PTPRD: variants seen among roughly 807,000 people sequenced by gnomAD.
The protein encoded by PTPRD is receptor-type tyrosine-protein phosphatase delta.
PTPRD carries 34 observed loss-of-function variants against 214.5 expected under a neutral mutation model. That is an observed-to-expected ratio of 0.16 (90% confidence interval 0.12 to 0.21). PTPRD has a LOEUF of 0.21. Ranked by LOEUF, PTPRD falls within the 10% of genes least tolerant of loss-of-function variation. PTPRD has a pLI of 1.00. For missense variants in PTPRD, 2,545 were observed against 2,398.7 expected (o/e 1.06, Z -1.27); for synonymous variants, 1,128 against 845.7 (o/e 1.33, Z -5.79).
chr9:8,698,249 T>C (rs1321017868), intron 12 of PTPRD, among the ~76,000 whole-genome samples: 1 of 152,234 alleles, frequency 6.6e-6, no homozygotes, highest in Non-Finnish European at 1.5e-5. Context: ...AGATGTTTAT[T>C]CAGTGCTTTA....
At chr9:10,510,397 C>T (rs982520709) in intron 2 of PTPRD, among the ~76,000 whole-genome samples, 2 of 152,094 alleles carry the variant, frequency 1.3e-5, no homozygotes, top group Non-Finnish European at 2.9e-5. Context: ...ACATATAGAA[C>T]AGTTCCCTCT....
Position 8,486,297 on chromosome 9 carries a change from A to C in PTPRD, c.2520T>G (p.Leu840=), listed in dbSNP as rs1410121406. The C allele has an allele frequency of 6.2e-7, 1 of 1,614,176 alleles. No homozygotes were observed. The highest frequency in any genetic ancestry group is 8.5e-7 in the Non-Finnish European group (1 of 1,180,016). The part of the protein sequence containing the change: ...VINHTQMNTA[L]IQWHPPVDTF... ...TGTCCACCGGAGGGTGCCACTGAATAAGAGCAGTATTCATCTGAGTGTGGT... is the reference window on the plus strand; with the variant it reads ...TGTCCACCGGAGGGTGCCACTGAATCAGAGCAGTATTCATCTGAGTGTGGT... The change falls in exon 28 of 46, where the codon CTT becomes CTG. Residue 840 remains leucine, a synonymous_variant. Transcript: ENST00000381196.
intron 2 of PTPRD, among the ~76,000 whole-genome samples, chr9:10,511,975 T>TATATATATATATAC (rs1566641481): frequency 1.6e-5 from 1 of 62,538 alleles, no homozygotes; most frequent in African/African-American, 5.7e-5. Context: ...TACGTGTGTG[T>TATATATATATATAC]GTATATATAT....
chr9:9,586,172 G>C (rs1441141516), intron 7 of PTPRD, among the ~76,000 whole-genome samples: 1 of 151,878 alleles, frequency 6.6e-6, no homozygotes, highest in African/African-American at 2.4e-5. Context: ...TGTATATTCA[G>C]TCTCTCATCT....
At chr9:9,288,884 TTTTG>T (rs1950308465) in intron 9 of PTPRD, among the ~76,000 whole-genome samples, 1 of 151,866 alleles carries the variant, frequency 6.6e-6, no homozygotes, top group Non-Finnish European at 1.5e-5. Flanking sequence ...CTTTTCCTCC[TTTTG>T]TTTGACACTT....
chr9:10,460,477 T>G (rs555230398), intron 2 of PTPRD, among the ~76,000 whole-genome samples: 1 of 149,772 alleles, frequency 6.7e-6, no homozygotes, highest in African/African-American at 2.4e-5. Context: ...TTCAAAAGTA[T>G]ATTACAAAGC....
At chr9:9,957,301 G>T (rs7860466) in intron 4 of PTPRD, among the ~76,000 whole-genome samples, 23,808 of 151,920 alleles carry the variant, frequency 0.16, 2,366 homozygotes, top group African/African-American at 0.28. Context: ...AAAATCCTGT[G>T]AAACATTAAT....
chr9:8,794,130 C>T (rs1041740431), intron 11 of PTPRD, among the ~76,000 whole-genome samples: 10 of 150,424 alleles, frequency 6.6e-5, no homozygotes, highest in African/African-American at 2.4e-4. Flanking sequence ...TGCATTTTTT[C>T]CCCCTGTATT....
At chr9:8,985,397 TA>T (rs1259923473) in intron 11 of PTPRD, among the ~76,000 whole-genome samples, 1 of 152,074 alleles carries the variant, frequency 6.6e-6, no homozygotes, top group African/African-American at 2.4e-5. Context: ...AATTATTGAA[TA>T]ACCACGACCA....
intron 3 of PTPRD, among the ~76,000 whole-genome samples, chr9:10,068,328 C>T (rs2097921186): frequency 6.6e-6 from 1 of 151,740 alleles, no homozygotes; most frequent in Non-Finnish European, 1.5e-5. Flanking sequence ...ATATAATAAC[C>T]CCTATATGAA....
intron 11 of PTPRD, among the ~76,000 whole-genome samples, chr9:8,894,562 A>C (rs1566878663): frequency 6.6e-6 from 1 of 152,098 alleles, no homozygotes; most frequent in Non-Finnish European, 1.5e-5. Context: ...ATGTGGTCAT[A>C]CATGATGCTT....
intron 5 of PTPRD, among the ~76,000 whole-genome samples, chr9:9,854,801 A>T (rs1376333997): frequency 6.6e-6 from 1 of 152,182 alleles, no homozygotes; most frequent in Non-Finnish European, 1.5e-5. Context: ...GCTAATTTTG[A>T]CAGTGTTTCT....
intron 2 of PTPRD, among the ~76,000 whole-genome samples, chr9:10,581,289 C>T (rs2132410034): frequency 6.6e-6 from 1 of 152,168 alleles, no homozygotes; most frequent in East Asian, 1.9e-4. Context: ...TTAAAAAGAA[C>T]CAGTTATATT....
At chr9:8,748,155 C>T (rs940708055) in intron 11 of PTPRD, among the ~76,000 whole-genome samples, 4 of 152,148 alleles carry the variant, frequency 2.6e-5, no homozygotes, top group Non-Finnish European at 5.9e-5. Flanking sequence ...TGTCAGCCAA[C>T]CTCCCCAACA....
At chr9:9,874,317 C>T (rs1600513718) in intron 5 of PTPRD, among the ~76,000 whole-genome samples, 1 of 152,186 alleles carries the variant, frequency 6.6e-6, no homozygotes, top group South Asian at 2.1e-4. Flanking sequence ...TATATAATCC[C>T]TAGCCATAAC....
chr9:8,555,436 T>G (rs897980133), intron 14 of PTPRD, among the ~76,000 whole-genome samples: 1 of 152,184 alleles, frequency 6.6e-6, no homozygotes, highest in African/African-American at 2.4e-5. Flanking sequence ...AAACAAACTC[T>G]TACTTGGTAA....
At chr9:10,135,624 A>G (rs1291060664) in intron 3 of PTPRD, among the ~76,000 whole-genome samples, 3 of 152,130 alleles carry the variant, frequency 2.0e-5, no homozygotes, top group Non-Finnish European at 4.4e-5. Flanking sequence ...ATGTTCAACC[A>G]GACTAAGTTC....
At chr9:10,309,454 T>C (rs1354046511) in intron 3 of PTPRD, among the ~76,000 whole-genome samples, 1 of 151,562 alleles carries the variant, frequency 6.6e-6, no homozygotes, top group African/African-American at 2.4e-5. Context: ...CCGGGTTCAA[T>C]CGATTCTCCT....
intron 11 of PTPRD, among the ~76,000 whole-genome samples, chr9:8,736,001 T>C (rs2090265644): frequency 1.3e-5 from 2 of 152,122 alleles, no homozygotes; most frequent in South Asian, 4.1e-4. Context: ...TGGCCTTTAT[T>C]CAGCAAACTA....
Sources: gnomAD v4.1 joint callset for allele counts (sites outside exome capture counted in the v4.1 genomes callset) on GRCh38, gnomAD v4.1.1 for gene constraint, MANE v1.5 for transcripts, NCBI Gene and HGNC (gene_info 2026-07-23, HGNC 2026-07-21) for gene names.